The following KLF8 variants were observed in gnomAD, a reference collection of about 807,000 sequenced individuals.
The protein encoded by KLF8 is Krueppel-like factor 8.
Under a neutral mutation model 18.2 loss-of-function variants are expected in KLF8, and 10 were observed. The observed-to-expected ratio is 0.55, with a 90% confidence interval of 0.34 to 0.93. The LOEUF is 0.93. KLF8 is among the 40% of genes least tolerant of loss of function. The pLI, the probability that KLF8 is intolerant of heterozygous loss-of-function variation, is 0.02. For synonymous variants in KLF8, 109 were observed against 97.3 expected (o/e 1.12, Z -0.71); for missense variants, 264 against 277.9 (o/e 0.95, Z 0.36).
At chrX:56,011,411 C>A in the KLF8 span, among the ~76,000 whole-genome samples, 1 of 111,911 alleles carries the variant, frequency 8.9e-6, no homozygotes, top group African/African-American at 3.2e-5. Flanking sequence ...AGAAGAAGTT[C>A]TTTGAAACCG....
the KLF8 span, among the ~76,000 whole-genome samples, chrX:56,027,073 C>T: frequency 1.3e-3 from 152 of 112,965 alleles, 1 homozygote; most frequent in African/African-American, 4.3e-3. Context: ...TGGGTAGTTT[C>T]ATATACAGCC....
the KLF8 span, among the ~76,000 whole-genome samples, chrX:55,980,132 G>T: frequency 8.9e-6 from 1 of 111,853 alleles, no homozygotes; most frequent in African/African-American, 3.3e-5. Flanking sequence ...GAACACATAT[G>T]TGCTGAGGAA....
intron 5 of KLF8, among the ~76,000 whole-genome samples, chrX:56,271,756 C>T (rs1052794539): frequency 3.6e-5 from 4 of 111,489 alleles, no homozygotes; most frequent in Non-Finnish European, 5.6e-5. Context: ...AATTAAGCTG[C>T]TGTGGGATCT....
chrX:56,047,067 T>G, the KLF8 span, among the ~76,000 whole-genome samples: 1 of 110,259 alleles, frequency 9.1e-6, no homozygotes, highest in Non-Finnish European at 1.9e-5. Flanking sequence ...TTTTAATTTT[T>G]TTTTTTGTCT....
chrX:56,244,646 T>C (rs1442838105), intron 1 of KLF8, among the ~76,000 whole-genome samples: 1 of 112,340 alleles, frequency 8.9e-6, no homozygotes, highest in Non-Finnish European at 1.9e-5. Context: ...GTTCTTTTTA[T>C]CACCATTCCA....
At chrX:56,085,626 G>A in the KLF8 span, among the ~76,000 whole-genome samples, 7 of 112,026 alleles carry the variant, frequency 6.2e-5, no homozygotes, top group East Asian at 2.8e-4. Flanking sequence ...GACATACTCA[G>A]AAATAATGTT....
the KLF8 span, among the ~76,000 whole-genome samples, chrX:56,209,319 A>G: frequency 9.2e-6 from 1 of 108,752 alleles, no homozygotes; most frequent in Non-Finnish European, 1.9e-5. Context: ...ATCTTTTGGT[A>G]TTTTTTCATT....
chrX:56,179,856 G>A, the KLF8 span, among the ~76,000 whole-genome samples: 1 of 111,827 alleles, frequency 8.9e-6, no homozygotes, highest in Middle Eastern at 4.2e-3. Flanking sequence ...TGACATGGTG[G>A]ATAAGCTTTT....
chrX:56,077,507 G>C, the KLF8 span, among the ~76,000 whole-genome samples: 1 of 111,855 alleles, frequency 8.9e-6, no homozygotes, highest in Admixed American at 9.5e-5. Flanking sequence ...CTATATCTCT[G>C]TTTTGGTACC....
the KLF8 span, among the ~76,000 whole-genome samples, chrX:56,119,345 C>G: frequency 9.0e-6 from 1 of 111,110 alleles, no homozygotes; most frequent in African/African-American, 3.3e-5. Context: ...GAGGAGGCAT[C>G]CCAGGGGAGG....
intron 1 of KLF8, among the ~76,000 whole-genome samples, chrX:56,245,306 C>G (rs1176775697): frequency 1.8e-5 from 2 of 111,489 alleles, no homozygotes; most frequent in African/African-American, 3.3e-5. Flanking sequence ...TCAGGGTTGG[C>G]CAAAGGATGG....
At chrX:56,263,049 T>C (rs749873141) in intron 2 of KLF8, among the ~76,000 whole-genome samples, 2 of 112,442 alleles carry the variant, frequency 1.8e-5, no homozygotes. Flanking sequence ...ATCTTTTTAA[T>C]CTGGGAATGG....
At chrX:55,965,351 C>A in the KLF8 span, among the ~76,000 whole-genome samples, 1 of 112,028 alleles carries the variant, frequency 8.9e-6, no homozygotes, top group African/African-American at 3.2e-5. Context: ...GTGTTAAGAA[C>A]CCTCAACAGA....
chrX:56,014,452 G>A, the KLF8 span, among the ~76,000 whole-genome samples: 4 of 111,997 alleles, frequency 3.6e-5, no homozygotes, highest in African/African-American at 1.3e-4. Flanking sequence ...AGTCAGAATG[G>A]CAATTATTAA....
chrX:56,051,405 G>A, the KLF8 span, among the ~76,000 whole-genome samples: 21 of 110,028 alleles, frequency 1.9e-4, no homozygotes, highest in Admixed American at 5.8e-4. Flanking sequence ...AGCGGCTGGT[G>A]CCGGTTGTTC....
chrX:56,069,289 A>C, the KLF8 span, among the ~76,000 whole-genome samples: 2 of 111,982 alleles, frequency 1.8e-5, no homozygotes, highest in African/African-American at 6.5e-5. Flanking sequence ...CCTGCCACTG[A>C]GAGCCAGGAA....
the KLF8 span, among the ~76,000 whole-genome samples, chrX:56,013,574 C>A: frequency 9.0e-6 from 1 of 111,355 alleles, no homozygotes; most frequent in Admixed American, 9.5e-5. Context: ...TTCCATAATC[C>A]CCATGTGTCT....
the KLF8 span, among the ~76,000 whole-genome samples, chrX:56,007,697 T>A: frequency 8.9e-6 from 1 of 111,747 alleles, no homozygotes; most frequent in South Asian, 3.8e-4. Flanking sequence ...GGGTGCTGGG[T>A]GCCTGTAGTA....
the KLF8 span, among the ~76,000 whole-genome samples, chrX:56,180,291 G>T: frequency 1.8e-4 from 20 of 111,774 alleles, no homozygotes; most frequent in Non-Finnish European, 2.4e-4. Context: ...TTCTCTGATG[G>T]TAGTTTGTAT....
Sources: allele counts gnomAD v4.1 joint callset (sites outside exome capture counted in the v4.1 genomes callset), GRCh38; gene constraint gnomAD v4.1.1; transcripts MANE v1.5; gene names NCBI Gene and HGNC (gene_info 2026-07-23, HGNC 2026-07-21).